QNG1: variants seen among roughly 807,000 people sequenced by gnomAD.
The protein encoded by QNG1 is Q-nucleotide N-glycosylase 1.
At chr9:83,938,478 C>G in the QNG1 span, 3 of 151,970 alleles carry the variant, frequency 2.0e-5, no homozygotes, top group Non-Finnish European at 4.4e-5. Flanking sequence ...GAACAGCATT[C>G]ATATATCAAA....
the QNG1 span, among the ~76,000 whole-genome samples, chr9:83,940,616 G>A: frequency 2.6e-5 from 4 of 152,202 alleles, no homozygotes; most frequent in African/African-American, 9.6e-5. Context: ...CTATGCAAAG[G>A]TACTGTGTGT....
At chr9:83,953,136 C>T in the QNG1 span, among the ~76,000 whole-genome samples, 3 of 151,604 alleles carry the variant, frequency 2.0e-5, no homozygotes, top group African/African-American at 7.3e-5. Flanking sequence ...GGCATGGTGG[C>T]GGATGCCTGT....
chr9:83,955,662 C>A, the QNG1 span: 1 of 1,605,544 alleles, frequency 6.2e-7, no homozygotes, highest in South Asian at 1.1e-5. Flanking sequence ...AAATAAAATT[C>A]AGAGGACCAA....
chr9:83,939,502 C>T, the QNG1 span: 1 of 1,583,794 alleles, frequency 6.3e-7, no homozygotes, highest in Non-Finnish European at 8.7e-7. Flanking sequence ...GATCAGTTTA[C>T]ACTTGAGGTC....
the QNG1 span, chr9:83,938,402 T>G: frequency 6.6e-6 from 1 of 152,142 alleles, no homozygotes; most frequent in Non-Finnish European, 1.5e-5. Context: ...AAAATCATGA[T>G]GTACAAAACC....
chr9:83,949,579 G>A, the QNG1 span, among the ~76,000 whole-genome samples: 2 of 152,076 alleles, frequency 1.3e-5, no homozygotes, highest in Non-Finnish European at 2.9e-5. Context: ...CCGGGAGGCC[G>A]AAGTTGTGAT....
chr9:83,939,459 T>A, the QNG1 span: 1 of 1,187,482 alleles, frequency 8.4e-7, no homozygotes, highest in Non-Finnish European at 1.2e-6. Context: ...ACTGTACAGA[T>A]GATATGATAT....
the QNG1 span, chr9:83,955,299 A>G: frequency 1.4e-6 from 2 of 1,452,906 alleles, no homozygotes; most frequent in Non-Finnish European, 1.9e-6. Context: ...TTAAGTTTTT[A>G]TTCTTAAAAT....
the QNG1 span, chr9:83,956,274 A>C: frequency 3.1e-6 from 5 of 1,614,040 alleles, no homozygotes; most frequent in Non-Finnish European, 4.2e-6. Context: ...CCAAAAGGAG[A>C]AGTTGAGCGT....
At chr9:83,952,495 A>G in the QNG1 span, among the ~76,000 whole-genome samples, 1 of 151,932 alleles carries the variant, frequency 6.6e-6, no homozygotes, top group Non-Finnish European at 1.5e-5. Flanking sequence ...CCCTGTCTCT[A>G]CTAAAAATAC....
the QNG1 span, chr9:83,956,512 G>A: frequency 6.6e-7 from 1 of 1,516,770 alleles, no homozygotes; most frequent in Admixed American, 2.3e-5. Context: ...CTGCCCTTTG[G>A]GACCCGGCGG....
the QNG1 span, among the ~76,000 whole-genome samples, chr9:83,948,121 C>T: frequency 6.7e-5 from 10 of 150,234 alleles, no homozygotes; most frequent in South Asian, 2.1e-4. Flanking sequence ...GCCTCTGCCC[C>T]GCCGCCCCGT....
chr9:83,954,459 G>T, the QNG1 span, among the ~76,000 whole-genome samples: 1 of 152,142 alleles, frequency 6.6e-6, no homozygotes, highest in Non-Finnish European at 1.5e-5. Context: ...GCATGCGCCT[G>T]TAGTCCCAGC....
chr9:83,956,543 G>A, the QNG1 span: 2 of 1,488,848 alleles, frequency 1.3e-6, no homozygotes, highest in East Asian at 2.3e-5. Flanking sequence ...TCCCGCCCTA[G>A]GCGGGTCAAG....
the QNG1 span, among the ~76,000 whole-genome samples, chr9:83,954,318 T>C: frequency 2.6e-5 from 4 of 152,172 alleles, no homozygotes; most frequent in Admixed American, 2.6e-4. Context: ...GGGTTCCATG[T>C]TTTTTAGGTT....
the QNG1 span, chr9:83,955,724 A>G: frequency 7.9e-7 from 1 of 1,271,482 alleles, no homozygotes; most frequent in Non-Finnish European, 1.1e-6. Flanking sequence ...TGGAATTAAT[A>G]TGAAACCAAA....
the QNG1 span, among the ~76,000 whole-genome samples, chr9:83,948,463 C>T: frequency 5.0e-5 from 7 of 140,952 alleles, no homozygotes; most frequent in African/African-American, 1.3e-4. Flanking sequence ...GCCGCCCCGT[C>T]GGGGAGGGAG....
chr9:83,947,234 C>G, the QNG1 span, among the ~76,000 whole-genome samples: 1 of 151,986 alleles, frequency 6.6e-6, no homozygotes, highest in African/African-American at 2.4e-5. Flanking sequence ...CAAAATATAT[C>G]CTGACCACCT....
chr9:83,956,318 G>C, the QNG1 span: 1 of 1,613,962 alleles, frequency 6.2e-7, no homozygotes, highest in Non-Finnish European at 8.5e-7. Flanking sequence ...CCGCGGCCTC[G>C]TCGGCCGCCC....
Sources: allele counts gnomAD v4.1 joint callset (sites outside exome capture counted in the v4.1 genomes callset), GRCh38; gene constraint gnomAD v4.1.1; transcripts MANE v1.5; gene names NCBI Gene and HGNC (gene_info 2026-07-23, HGNC 2026-07-21).